Variants in NAA16 observed in about 807,000 individuals in gnomAD.
NAA16 encodes N-alpha-acetyltransferase 16, NatA auxiliary subunit, also known as NARG1-like protein.
In NAA16, 97 loss-of-function variants were observed where a neutral mutation model predicts 110.3. That is an observed-to-expected ratio of 0.88 (90% CI 0.75 to 1.04). The LOEUF is 1.04. Among genes scored for constraint, NAA16 ranks in the 50% least tolerant of loss-of-function variants. The pLI is 0.00. For missense variants in NAA16, 1,017 were observed against 1,005.1 expected (o/e 1.01, Z -0.16); for synonymous variants, 372 against 330.6 (o/e 1.13, Z -1.36).
chr13:41,375,750 C>T lies in NAA16; in HGVS notation c.*148C>T. ...TTCTGTAAGCTTATTTTGTTCTTTA[C>T]CCGACCTGCCAATTTACATAACCAT... On this transcript the variant is annotated 3_prime_UTR_variant, in exon 20 of 20. Coordinates refer to ENST00000379406, the MANE Select transcript of NAA16 (RefSeq NM_024561.5). 3.5e-6 allele frequency: 2 copies of T among 571,372 alleles called. No individual in the cohort carries two copies. The highest frequency in any genetic ancestry group is 3.5e-5 in the Admixed American group (1 of 28,900). The allele number at this position is 571,372 out of a possible 1,614,324, so 35.4% of individuals were successfully genotyped here.
chr13:41,340,647 G>GTTTTTT (rs754237653), intron 9 of NAA16, among the ~76,000 whole-genome samples: 2 of 43,538 alleles, frequency 4.6e-5, no homozygotes, highest in Non-Finnish European at 9.0e-5. Flanking sequence ...TTTTGAGTGA[G>GTTTTTT]TTTTTTTTTT....
chr13:41,359,276 T>TC (rs1384714116), intron 12 of NAA16, among the ~76,000 whole-genome samples: 1 of 152,206 alleles, frequency 6.6e-6, no homozygotes, highest in Non-Finnish European at 1.5e-5. Context: ...AAATCCTTTG[T>TC]CCCCCTAGTA....
At chr13:41,366,206 C>T (rs531648891) in intron 13 of NAA16, among the ~76,000 whole-genome samples, 1 of 152,186 alleles carries the variant, frequency 6.6e-6, no homozygotes, top group South Asian at 2.1e-4. Context: ...GTTCACTTTT[C>T]CTGTTTCTTA....
At chr13:41,358,251 T>C (rs1033335713) in intron 10 of NAA16, 53 bp from the exon 11 acceptor site, 14 of 1,449,318 alleles carry the variant, frequency 9.7e-6, no homozygotes, top group South Asian at 2.4e-5. Context: ...AGAGAAAATA[T>C]GTGATTTGCT....
intron 9 of NAA16, 101 bp from the exon 10 acceptor site, chr13:41,355,043 T>A (rs916658442): frequency 1.4e-6 from 1 of 690,004 alleles, no homozygotes; most frequent in Non-Finnish European, 2.4e-6. Flanking sequence ...TTTATAGTTC[T>A]GAAATAAGCT....
intron 3 of NAA16, among the ~76,000 whole-genome samples, chr13:41,319,533 G>C (rs113504763): frequency 6.6e-5 from 10 of 151,394 alleles, no homozygotes; most frequent in Non-Finnish European, 8.8e-5. Context: ...TTGTTTTTTG[G>C]GGGGAGGGAG....
chr13:41,311,612 C>A, intron 1 of NAA16, 30 bp downstream of exon 1: 1 of 1,591,698 alleles, frequency 6.3e-7, no homozygotes. Context: ...GCTGCCGCCC[C>A]CCGGTCCCCG....
In NAA16 at chr13:41,325,807, A is replaced by T. The variant is rs139818773; in HGVS notation, c.647A>T (p.Tyr216Phe). Residue 216 changes from tyrosine to phenylalanine, a missense_variant, in exon 6 of 20, where the codon TAT (tyrosine) becomes TTT (phenylalanine). By Grantham distance (22) the Tyr-to-Phe change is conservative. Coordinates refer to ENST00000379406, the MANE Select transcript of NAA16 (RefSeq NM_024561.5). ...LQESLEHIEM[Y>F]EKQICDKLLV... The stretch of plus-strand genomic sequence containing the variant: ...GAATCTTTGGAACATATAGAAATGT[A>T]TGAGAAACAAATATGTGATAAACTT... The T allele has an allele frequency of 5.0e-6, 8 of 1,609,158 alleles. No individual in the cohort carries two copies. Among genetic ancestry groups the T allele is most frequent in the Non-Finnish European group, 5.9e-6 (7 of 1,177,732 alleles).
chr13:41,323,044 C>CTT lies in NAA16; in HGVS notation c.403-4_403-3dup. On this transcript the variant is annotated splice_polypyrimidine_tract_variant and intron_variant, in intron 4 of 19. Transcript: ENST00000379406. ...TTAGAGAATATTTAGCAAGTTAAAACTTTTTTTTTAGGAGACAAGATACCA... is the reference window on the plus strand; with the variant it reads ...TTAGAGAATATTTAGCAAGTTAAAACTTTTTTTTTTTAGGAGACAAGATACCA... 2 of 1,583,780 alleles carry CTT rather than the reference C, an allele frequency of 1.3e-6. No homozygotes were observed. The highest frequency in any genetic ancestry group is 1.7e-6 in the Non-Finnish European group (2 of 1,157,584).
intron 1 of NAA16, 129 bp downstream of exon 1, chr13:41,311,711 G>T: frequency 1.2e-6 from 1 of 850,742 alleles, no homozygotes. Context: ...TGTTTACCTC[G>T]GAGGTCGCGG....
chr13:41,375,811 G>C lies in NAA16; in HGVS notation c.*209G>C, dbSNP rs2043418081. 1 of 449,112 alleles carries C rather than the reference G, an allele frequency of 2.2e-6. No homozygotes were observed. Among genetic ancestry groups the C allele is most frequent in the African/African-American group, 2.0e-5 (1 of 50,028 alleles). 27.8% of individuals were successfully genotyped at this position (449,112 alleles called of 1,614,324 possible). On this transcript the variant is annotated 3_prime_UTR_variant, in exon 20 of 20. Transcript: ENST00000379406. ...TACCTGTTTATTCTTACACAGTTTTGTGGTAGCTCCGATCGCTTCTGTATA... is the reference window on the plus strand; with the variant it reads ...TACCTGTTTATTCTTACACAGTTTTCTGGTAGCTCCGATCGCTTCTGTATA...
chr13:41,311,841 A>G (rs1026965684), intron 1 of NAA16, among the ~76,000 whole-genome samples: 15 of 151,438 alleles, frequency 9.9e-5, no homozygotes, highest in African/African-American at 2.4e-4. Flanking sequence ...CAGAAACTTC[A>G]CGCCGCTCTC....
At chr13:41,338,327 T>C (rs975215578) in intron 9 of NAA16, among the ~76,000 whole-genome samples, 2 of 152,232 alleles carry the variant, frequency 1.3e-5, no homozygotes, top group African/African-American at 4.8e-5. Flanking sequence ...TTCATAGGCA[T>C]AGGCTTTTTA....
chr13:41,354,077 C>T (rs1254816973), intron 9 of NAA16, among the ~76,000 whole-genome samples: 1 of 151,906 alleles, frequency 6.6e-6, no homozygotes, highest in Non-Finnish European at 1.5e-5. Context: ...TCTGCTTTTT[C>T]TCTTATTTAC....
intron 10 of NAA16, 121 bp downstream of exon 10, chr13:41,355,337 A>G: frequency 1.7e-6 from 1 of 597,498 alleles, no homozygotes; most frequent in Non-Finnish European, 2.9e-6. Flanking sequence ...TGGCTTTCAA[A>G]TTGGTGAATG....
intron 9 of NAA16, among the ~76,000 whole-genome samples, chr13:41,353,847 A>G (rs1220904813): frequency 1.3e-5 from 2 of 152,026 alleles, no homozygotes; most frequent in South Asian, 2.1e-4. Flanking sequence ...TTGCCACATG[A>G]TGGTGACACT....
intron 10 of NAA16, 36 bp downstream of exon 10, chr13:41,355,252 CTCATT>C (rs1305811330): frequency 7.8e-7 from 1 of 1,274,140 alleles, no homozygotes; most frequent in Admixed American, 2.1e-5. Context: ...AATTTGATTA[CTCATT>C]TCATTTTTAA....
chr13:41,364,694 A>T lies in NAA16; in HGVS notation c.1539+2535A>T, dbSNP rs544383435. ...CATATATTTCTAACTCTTTGATAAG[A>T]CCTAGGACTTCTGATAGATACAAAC... On this transcript the variant is annotated intron_variant, in intron 13 of 19. Coordinates refer to ENST00000379406, the MANE Select transcript of NAA16 (RefSeq NM_024561.5). Among the ~76,000 whole-genome samples, 5 of 152,276 alleles carry T rather than the reference A, an allele frequency of 3.3e-5. No individual in the cohort carries two copies. In the South Asian group the frequency reaches 1.0e-3, roughly 32 times the overall value.
chr13:41,345,719 A>AC (rs2042664577), intron 9 of NAA16, among the ~76,000 whole-genome samples: 2 of 152,054 alleles, frequency 1.3e-5, no homozygotes, highest in African/African-American at 4.8e-5. Flanking sequence ...AGTATCTGGG[A>AC]CTACAGGCAT....
Sources: gnomAD v4.1 joint callset for allele counts (sites outside exome capture counted in the v4.1 genomes callset) on GRCh38, gnomAD v4.1.1 for gene constraint, MANE v1.5 for transcripts, NCBI Gene and HGNC (gene_info 2026-07-23, HGNC 2026-07-21) for gene names.